The following MTMR8 variants were observed in gnomAD, a reference collection of about 807,000 sequenced individuals.
The protein encoded by MTMR8 is myotubularin related protein 8.
A neutral mutation model predicts 39.3 loss-of-function variants in MTMR8; 65 were observed. The ratio of observed to expected loss-of-function variants is 1.65; its 90% CI spans 1.35 to 2.03. The LOEUF (loss-of-function observed/expected upper bound fraction) is 2.03, where lower values mean the gene tolerates loss of function less well. Among genes scored for constraint, MTMR8 ranks in the 30% most tolerant of loss-of-function variants. MTMR8 has a pLI of 0.00. For synonymous variants in MTMR8, 245 were observed against 185.2 expected (o/e 1.32, Z -2.62); for missense variants, 777 against 538.9 (o/e 1.44, Z -4.37).
In MTMR8 at chrX:64,268,582, G is replaced by A; in HGVS notation, c.2070C>T (p.Ile690=). The A allele has an allele frequency of 8.3e-7, 1 of 1,210,866 alleles. No individual in the cohort carries two copies. Among genetic ancestry groups the A allele is most frequent in the South Asian group, 1.8e-5 (1 of 56,782 alleles). The change falls in exon 14 of 14, where the codon ATC becomes ATT. Residue 690 remains isoleucine, a synonymous_variant. Transcript: ENST00000374852. The part of the protein sequence containing the change: ...GDMGILGDTG[I]SKASTKEADY... ...CTGCCTCCTTGGTGCTGGCCTTGGA[G>A]ATGCCTGTGTCCCCCAAGATGCCCA...
intron 12 of MTMR8, 94 bp from the exon 13 acceptor site, chrX:64,271,167 G>C: frequency 1.6e-5 from 15 of 920,503 alleles, no homozygotes; most frequent in Non-Finnish European, 2.2e-5. Flanking sequence ...TATTGGCTTA[G>C]TAGGTGGGAA....
At chrX:64,288,909 T>A (rs1056257681) in intron 12 of MTMR8, among the ~76,000 whole-genome samples, 7 of 110,027 alleles carry the variant, frequency 6.4e-5, no homozygotes, top group African/African-American at 2.3e-4. Flanking sequence ...AGGAGATATA[T>A]CTAATATAAA....
At chrX:64,323,850 A>AAATTT (rs1260807942) in intron 12 of MTMR8, among the ~76,000 whole-genome samples, 1 of 112,464 alleles carries the variant, frequency 8.9e-6, no homozygotes, top group Non-Finnish European at 1.9e-5. Flanking sequence ...GGAAGTCTAA[A>AAATTT]AATTTCTTGA....
chrX:64,330,242 G>A (rs766951679), intron 11 of MTMR8, among the ~76,000 whole-genome samples: 38 of 111,950 alleles, frequency 3.4e-4, no homozygotes, highest in African/African-American at 1.0e-3. Context: ...GTGTTTTAAC[G>A]CGTAGGTAAA....
intron 1 of MTMR8, among the ~76,000 whole-genome samples, chrX:64,381,045 C>A (rs1395000008): frequency 8.9e-6 from 1 of 112,025 alleles, no homozygotes; most frequent in Admixed American, 9.5e-5. Flanking sequence ...AATAGTGCCG[C>A]AATAAACATA....
intron 12 of MTMR8, among the ~76,000 whole-genome samples, chrX:64,299,163 C>T (rs1226476310): frequency 5.7e-5 from 5 of 87,228 alleles, no homozygotes; most frequent in Admixed American, 1.3e-4. Flanking sequence ...GGTACCAGTT[C>T]CCCCTTGTAC....
chrX:64,304,098 A>G (rs1032236970), intron 12 of MTMR8, among the ~76,000 whole-genome samples: 1 of 112,440 alleles, frequency 8.9e-6, no homozygotes, highest in East Asian at 2.8e-4. Context: ...GCAAATGCAC[A>G]GGGAAACCTT....
chrX:64,270,941 C>A lies in MTMR8; in HGVS notation c.1608+6G>T. The A allele has an allele frequency of 2.5e-6, 3 of 1,207,872 alleles. No individual in the cohort carries two copies. Among genetic ancestry groups the A allele is most frequent in the Non-Finnish European group, 3.4e-6 (3 of 893,975 alleles). On this transcript the variant is annotated splice_donor_region_variant and intron_variant, in intron 13 of 13. Transcript: ENST00000374852. ...GAAGATCTCTCTTTGGGACTTTTCT[C>A]CTCACCTTTTCTAGTTCATGCACAT...
chrX:64,288,168 C>A lies in MTMR8; in HGVS notation c.1482-17095G>T, dbSNP rs192457037. 4.3e-4 allele frequency among the ~76,000 whole-genome samples: 46 copies of A among 108,200 alleles called. 1 individual carries two copies. Among genetic ancestry groups the A allele is most frequent in the African/African-American group, 1.4e-3 (43 of 29,914 alleles). The allele number at this position is 108,200 out of a possible 115,157, so 94.0% of individuals were successfully genotyped here. A position where few individuals can be genotyped will look rare whatever the true frequency, so the allele number is the denominator to read the frequency against. On this transcript the variant is annotated intron_variant, in intron 12 of 13. Transcript: ENST00000374852. ...ACTCACAAAAATTTACAAGAAAAAA[C>A]GAACAACCCCATCAAAAAGTGGGTA... is the stretch of plus-strand genomic sequence containing the variant.
At chrX:64,293,219 A>G (rs1921458533) in intron 12 of MTMR8, among the ~76,000 whole-genome samples, 1 of 111,782 alleles carries the variant, frequency 8.9e-6, no homozygotes, top group Admixed American at 9.5e-5. Flanking sequence ...CTAATGCTAA[A>G]ACAACTGAAG....
chrX:64,376,027 C>T (rs1387835720), intron 1 of MTMR8, among the ~76,000 whole-genome samples: 1 of 111,922 alleles, frequency 8.9e-6, no homozygotes, highest in African/African-American at 3.2e-5. Flanking sequence ...GATGTGCCTA[C>T]TTCCCCTTTG....
chrX:64,295,793 A>C (rs5964352), intron 12 of MTMR8, among the ~76,000 whole-genome samples: 4,016 of 111,990 alleles, frequency 0.036, 177 homozygotes, highest in African/African-American at 0.12. Flanking sequence ...CTATCCAAAA[A>C]ATAAAAGGAA....
chrX:64,298,659 T>C (rs1486265928), intron 12 of MTMR8, among the ~76,000 whole-genome samples: 2 of 95,386 alleles, frequency 2.1e-5, no homozygotes, highest in African/African-American at 6.1e-5. Flanking sequence ...CTGTTGCCAG[T>C]TTTCAAAGGG....
At chrX:64,314,990 C>G (rs1433174994) in intron 12 of MTMR8, among the ~76,000 whole-genome samples, 1 of 111,479 alleles carries the variant, frequency 9.0e-6, no homozygotes, top group Non-Finnish European at 1.9e-5. Context: ...TGGACAAGAC[C>G]ACCCTGCAGA....
intron 12 of MTMR8, among the ~76,000 whole-genome samples, chrX:64,320,002 C>T: frequency 1.8e-5 from 2 of 111,105 alleles, no homozygotes; most frequent in South Asian, 7.7e-4. Context: ...GGCAGTATGG[C>T]CATTTTCACG....
chrX:64,354,821 G>T lies in MTMR8; in HGVS notation c.424C>A (p.Pro142Thr), dbSNP rs767857783. Residue 142 changes from proline (P) to threonine (T), a missense_variant, in exon 4 of 14, where the codon CCC becomes ACC. Transcript: ENST00000374852. ...TCTGTTATGGTCCAGTTTCTGTTGG[G>T]TATTCCCATACGCCCAAAGTCTGAT... ...PISDFGRMGI[P>T]NRNWTITDAN... 1.2e-5 allele frequency: 15 copies of T among 1,203,932 alleles called. No individual in the cohort carries two copies. In the African/African-American group the frequency reaches 2.6e-4, roughly 21 times the overall value.
intron 12 of MTMR8, among the ~76,000 whole-genome samples, chrX:64,292,367 G>A (rs1169180759): frequency 9.0e-6 from 1 of 111,480 alleles, no homozygotes; most frequent in Non-Finnish European, 1.9e-5. Context: ...GACACCAAAG[G>A]AAGTGGCTAT....
intron 12 of MTMR8, 129 bp from the exon 13 acceptor site, chrX:64,271,202 T>C: frequency 1.5e-6 from 1 of 664,361 alleles, no homozygotes; most frequent in Non-Finnish European, 2.1e-6. Context: ...TGTAATTTGA[T>C]GACATTAAAA....
intron 1 of MTMR8, among the ~76,000 whole-genome samples, chrX:64,379,013 C>A (rs185322472): frequency 3.3e-4 from 37 of 111,633 alleles, no homozygotes; most frequent in African/African-American, 1.2e-3. Context: ...ACTGTATGTC[C>A]ACAAATTTGA....
Sources: allele counts gnomAD v4.1 joint callset (sites outside exome capture counted in the v4.1 genomes callset), GRCh38; gene constraint gnomAD v4.1.1; transcripts MANE v1.5; gene names NCBI Gene and HGNC (gene_info 2026-07-23, HGNC 2026-07-21).